SUGCT: variants seen among roughly 807,000 people sequenced by gnomAD.
The protein encoded by SUGCT is succinyl-CoA:glutarate CoA-transferase.
SUGCT carries 41 observed loss-of-function variants against 55.0 expected under a neutral mutation model. The observed-to-expected ratio is 0.74, with a 90% confidence interval of 0.58 to 0.97. The LOEUF (loss-of-function observed/expected upper bound fraction) is 0.97. Among genes scored for constraint, SUGCT ranks in the 50% least tolerant of loss-of-function variants. SUGCT has a pLI of 0.00. For missense variants in SUGCT, 568 were observed against 547.8 expected (o/e 1.04, Z -0.37); for synonymous variants, 187 against 200.4 (o/e 0.93, Z 0.56).
At chr7:40,374,259 T>C (rs1420986742) in intron 9 of SUGCT, among the ~76,000 whole-genome samples, 1 of 152,180 alleles carries the variant, frequency 6.6e-6, no homozygotes, top group Non-Finnish European at 1.5e-5. Context: ...AGTTAATATT[T>C]GTATGTTGCT....
intron 8 of SUGCT, among the ~76,000 whole-genome samples, chr7:40,300,271 T>C (rs1185588613): frequency 6.6e-6 from 1 of 152,154 alleles, no homozygotes. Flanking sequence ...TACAGGACTT[T>C]GCTGTACAAG....
At chr7:40,517,174 G>T (rs1793283272) in intron 12 of SUGCT, among the ~76,000 whole-genome samples, 1 of 147,566 alleles carries the variant, frequency 6.8e-6, no homozygotes, top group Non-Finnish European at 1.5e-5. Flanking sequence ...AATTTTGTAG[G>T]TTAATCTTGT....
rs550830219 is a variant in SUGCT at position 40,176,156 on chromosome 7, C to T, written c.101-4791C>T. Among the ~76,000 whole-genome samples the T allele has an allele frequency of 1.1e-4, 16 of 151,610 alleles. No homozygotes were observed. In the South Asian group the frequency reaches 1.7e-3, roughly 16 times the overall value. ...CTGAGGCAGGAGAATCACTTGAACC[C>T]GGGAGGTGGAGGTTGCAGTGAGCTG... On this transcript the variant is annotated intron_variant, in intron 1 of 13. Coordinates refer to ENST00000335693, the MANE Select transcript of SUGCT (RefSeq NM_001193313.2).
chr7:40,273,373 A>G (rs1792234164), intron 7 of SUGCT, among the ~76,000 whole-genome samples: 1 of 152,222 alleles, frequency 6.6e-6, no homozygotes, highest in African/African-American at 2.4e-5. Flanking sequence ...AACAGAAGCT[A>G]GACTTAATAA....
intron 8 of SUGCT, among the ~76,000 whole-genome samples, chr7:40,292,497 A>G (rs1352689768): frequency 1.3e-5 from 2 of 152,208 alleles, no homozygotes; most frequent in African/African-American, 4.8e-5. Context: ...ATTTGAAATC[A>G]TGTAAGTCAT....
chr7:40,845,926 A>G (rs4720382), intron 13 of SUGCT, among the ~76,000 whole-genome samples: 2,301 of 152,334 alleles, frequency 0.015, 141 homozygotes, highest in East Asian at 0.1. Context: ...AAAGACTAGT[A>G]TCATCAAGTT....
intron 13 of SUGCT, among the ~76,000 whole-genome samples, chr7:40,761,851 T>C (rs1788547517): frequency 6.6e-6 from 1 of 152,188 alleles, no homozygotes; most frequent in Non-Finnish European, 1.5e-5. Context: ...CTGACCGTCC[T>C]CCGAGGGTCA....
chr7:41,006,737 G>C, the SUGCT span, among the ~76,000 whole-genome samples: 3 of 152,220 alleles, frequency 2.0e-5, no homozygotes, highest in Non-Finnish European at 1.5e-5. Context: ...AATTCAGCCA[G>C]TCTACCTGAA....
the SUGCT span, among the ~76,000 whole-genome samples, chr7:40,953,013 G>A: frequency 2.0e-5 from 3 of 152,134 alleles, no homozygotes; most frequent in Non-Finnish European, 4.4e-5. Context: ...TTGCTAGATT[G>A]GGGAAGTTCT....
chr7:40,708,771 A>G (rs187343755), intron 12 of SUGCT, among the ~76,000 whole-genome samples: 3 of 151,698 alleles, frequency 2.0e-5, no homozygotes, highest in East Asian at 1.9e-4. Flanking sequence ...CACCTCTTCA[A>G]TGCACTCCCC....
intron 12 of SUGCT, among the ~76,000 whole-genome samples, chr7:40,713,793 C>A (rs1471978688): frequency 6.6e-6 from 1 of 152,144 alleles, no homozygotes; most frequent in Non-Finnish European, 1.5e-5. Context: ...CCTTCTGTTT[C>A]TCTCCAGTCC....
At chr7:40,268,689 C>G (rs1031216996) in intron 7 of SUGCT, among the ~76,000 whole-genome samples, 3 of 151,674 alleles carry the variant, frequency 2.0e-5, no homozygotes, top group Non-Finnish European at 4.4e-5. Context: ...TTGCCCTGTC[C>G]CCTAGGTTGG....
chr7:40,988,965 A>G, the SUGCT span, among the ~76,000 whole-genome samples: 1 of 152,122 alleles, frequency 6.6e-6, no homozygotes, highest in African/African-American at 2.4e-5. Context: ...AATACAGCAA[A>G]TATCACAATA....
At chr7:40,153,721 A>T in intron 1 of SUGCT, 1 of 485,064 alleles carries the variant, frequency 2.1e-6, no homozygotes. Context: ...TCTGGTTGTG[A>T]ATAGAGCAGC....
the SUGCT span, among the ~76,000 whole-genome samples, chr7:40,942,576 T>A: frequency 1.3e-5 from 2 of 152,332 alleles, no homozygotes; most frequent in South Asian, 2.1e-4. Flanking sequence ...TTAGGAGTTC[T>A]CTGAGCTTCT....
intron 12 of SUGCT, among the ~76,000 whole-genome samples, chr7:40,613,948 G>A (rs1308457181): frequency 6.6e-6 from 1 of 152,126 alleles, no homozygotes; most frequent in African/African-American, 2.4e-5. Flanking sequence ...CATACTATGG[G>A]TTACAGTTTG....
chr7:40,586,444 G>T (rs1171384520), intron 12 of SUGCT, among the ~76,000 whole-genome samples: 1 of 152,170 alleles, frequency 6.6e-6, no homozygotes, highest in Non-Finnish European at 1.5e-5. Context: ...CTAAGAATGT[G>T]CAGAATGGCA....
chr7:40,639,294 C>CA (rs1487288380), intron 12 of SUGCT, among the ~76,000 whole-genome samples: 7 of 151,950 alleles, frequency 4.6e-5, no homozygotes, highest in African/African-American at 1.4e-4. Context: ...TAGCGCCCAG[C>CA]AAAAAAATCA....
the SUGCT span, among the ~76,000 whole-genome samples, chr7:40,925,198 T>C: frequency 1.3e-5 from 2 of 152,212 alleles, no homozygotes; most frequent in African/African-American, 4.8e-5. Flanking sequence ...ATCCTGACTT[T>C]CTATTTTTAT....
Sources: gnomAD v4.1 joint callset for allele counts (sites outside exome capture counted in the v4.1 genomes callset) on GRCh38, gnomAD v4.1.1 for gene constraint, MANE v1.5 for transcripts, NCBI Gene and HGNC (gene_info 2026-07-23, HGNC 2026-07-21) for gene names.